STK39: variants seen among roughly 807,000 people sequenced by gnomAD.
STK39 encodes the protein serine/threonine kinase 39, also known as STE20/SPS1-related proline-alanine-rich protein kinase.
In STK39, 20 loss-of-function variants were observed where a neutral mutation model predicts 77.8. The observed-to-expected ratio is 0.26, with a 90% CI of 0.18 to 0.37. The LOEUF (loss-of-function observed/expected upper bound fraction) is 0.37. Among genes scored for constraint, STK39 ranks in the 10% least tolerant of loss-of-function variants. The pLI is 1.00. For missense variants in STK39, 479 were observed against 656.5 expected, an observed-to-expected ratio of 0.73 and a Z score of 2.95; for synonymous variants, 246 against 234.1, an observed-to-expected ratio of 1.05 and a Z score of -0.47.
chr2:168,223,772 A>G (rs1420888615), intron 1 of STK39, among the ~76,000 whole-genome samples: 2 of 152,074 alleles, frequency 1.3e-5, no homozygotes, highest in Non-Finnish European at 2.9e-5. Flanking sequence ...TCAGGCATCA[A>G]GTATGCTGAG....
At chr2:168,036,627 A>G (rs973730130) in intron 14 of STK39, among the ~76,000 whole-genome samples, 8 of 152,234 alleles carry the variant, frequency 5.3e-5, no homozygotes, top group African/African-American at 1.9e-4. Flanking sequence ...ACTTGTCTAG[A>G]TATCTCTGGC....
chr2:167,972,333 T>C (rs1376278932), intron 16 of STK39, among the ~76,000 whole-genome samples: 1 of 152,234 alleles, frequency 6.6e-6, no homozygotes, highest in African/African-American at 2.4e-5. Context: ...ATTTTGTGTG[T>C]CTTTCTGCAT....
intron 1 of STK39, among the ~76,000 whole-genome samples, chr2:168,217,967 A>C (rs758945656): frequency 3.9e-5 from 6 of 152,216 alleles, no homozygotes; most frequent in Non-Finnish European, 8.8e-5. Flanking sequence ...TGTTATCATG[A>C]TTTAGACAGA....
intron 1 of STK39, among the ~76,000 whole-genome samples, chr2:168,189,515 T>C (rs1352792205): frequency 6.6e-6 from 1 of 152,122 alleles, no homozygotes; most frequent in Non-Finnish European, 1.5e-5. Context: ...AATTTACAAA[T>C]TGTAATAACT....
At chr2:168,247,188 G>T in intron 1 of STK39, 40 bp downstream of exon 1, 3 of 1,137,240 alleles carry the variant, frequency 2.6e-6, no homozygotes, top group East Asian at 4.6e-5. Flanking sequence ...CGGCCTCGGC[G>T]CCCGGCCTGT....
chr2:168,234,723 A>C (rs577782994), intron 1 of STK39, among the ~76,000 whole-genome samples: 2 of 152,356 alleles, frequency 1.3e-5, no homozygotes, highest in South Asian at 2.1e-4. Flanking sequence ...ACCTGGTTAC[A>C]TGTTACATAA....
chr2:168,017,315 A>G lies in STK39; in HGVS notation c.1377-220T>C, dbSNP rs16854565. 9.1e-3 allele frequency among the ~76,000 whole-genome samples: 1,384 copies of G among 152,116 alleles called. 23 individuals are homozygous for G. The highest frequency in any genetic ancestry group is 0.032 in the African/African-American group (1,318 of 41,472). Reference sequence around the variant, plus strand: ...ATTTACCTTATATAAACATGCTTATATCACAAAATTCCAAAAACAAAATGT... The same window carrying G: ...ATTTACCTTATATAAACATGCTTATGTCACAAAATTCCAAAAACAAAATGT... On this transcript the variant is annotated intron_variant, in intron 14 of 17. Coordinates refer to ENST00000355999, the MANE Select transcript of STK39 (RefSeq NM_013233.3).
intron 10 of STK39, among the ~76,000 whole-genome samples, chr2:168,109,804 A>G (rs905831488): frequency 1.2e-4 from 18 of 152,234 alleles, no homozygotes; most frequent in African/African-American, 4.3e-4. Flanking sequence ...ATTTTCTTAA[A>G]TACTAATGAT....
At chr2:168,229,451 C>T (rs1690392340) in intron 1 of STK39, among the ~76,000 whole-genome samples, 1 of 148,828 alleles carries the variant, frequency 6.7e-6, no homozygotes, top group African/African-American at 2.5e-5. Context: ...CTAAACAAAA[C>T]AAAAAAAACT....
chr2:168,037,420 T>C (rs1056887505), intron 14 of STK39, among the ~76,000 whole-genome samples: 1 of 152,216 alleles, frequency 6.6e-6, no homozygotes, highest in Non-Finnish European at 1.5e-5. Context: ...GGGTTATACC[T>C]ACCCATTGAC....
At chr2:168,199,974 T>C (rs1689573130) in intron 1 of STK39, among the ~76,000 whole-genome samples, 1 of 152,188 alleles carries the variant, frequency 6.6e-6, no homozygotes, top group Non-Finnish European at 1.5e-5. Context: ...TGGAAATATC[T>C]GGGCTATAAG....
intron 2 of STK39, among the ~76,000 whole-genome samples, chr2:168,167,631 A>G (rs13403999): frequency 0.28 from 42,682 of 152,100 alleles, 6,934 homozygotes; most frequent in East Asian, 0.56. Context: ...AGCCCTGTGG[A>G]CCAGCTACCA....
intron 5 of STK39, among the ~76,000 whole-genome samples, chr2:168,149,937 G>A (rs1376856652): frequency 6.6e-6 from 1 of 152,216 alleles, no homozygotes; most frequent in African/African-American, 2.4e-5. Context: ...ATAGGAAACA[G>A]AAGTAAGTTC....
chr2:168,082,266 G>A (rs994160001), intron 10 of STK39, among the ~76,000 whole-genome samples: 18 of 152,174 alleles, frequency 1.2e-4, no homozygotes, highest in East Asian at 1.9e-4. Context: ...GAGCGCCAGG[G>A]ACCCCACTGA....
chr2:168,083,514 C>T (rs1175482288), intron 10 of STK39, among the ~76,000 whole-genome samples: 1 of 152,012 alleles, frequency 6.6e-6, no homozygotes, highest in African/African-American at 2.4e-5. Context: ...GGTGGACAGA[C>T]ATTTAAGCTA....
At chr2:168,195,421 AG>A (rs762629292) in intron 1 of STK39, among the ~76,000 whole-genome samples, 1 of 152,100 alleles carries the variant, frequency 6.6e-6, no homozygotes, top group Non-Finnish European at 1.5e-5. Flanking sequence ...ACCAAAAGAC[AG>A]TTACCTACCA....
intron 10 of STK39, among the ~76,000 whole-genome samples, chr2:168,107,490 C>A (rs1266435911): frequency 6.6e-6 from 1 of 152,174 alleles, no homozygotes; most frequent in African/African-American, 2.4e-5. Flanking sequence ...TTCTGTTTGC[C>A]ATCCTCTGTA....
At position 167,980,357 on chromosome 2, in the gene STK39, C is replaced by T. The variant is rs185389936; in HGVS notation, c.1499-15631G>A. On this transcript the variant is annotated intron_variant, in intron 16 of 17. Coordinates refer to ENST00000355999, the MANE Select transcript of STK39 (RefSeq NM_013233.3). ...CTTCCCAGGATCAACTTTTTCGTAC[C>T]GTCACTCTCACTTTACTTTGATCCA... Among the ~76,000 whole-genome samples the T allele has an allele frequency of 3.9e-5, 6 of 152,226 alleles. No homozygotes were observed. The East Asian group carries it at 5.8e-4, about 15-fold the overall frequency.
intron 1 of STK39, among the ~76,000 whole-genome samples, chr2:168,224,519 T>C (rs375912678): frequency 2.1e-4 from 32 of 152,198 alleles, no homozygotes; most frequent in African/African-American, 6.5e-4. Context: ...AAGCCAGGCA[T>C]TAGGTGATTT....
Sources: allele counts gnomAD v4.1 joint callset (sites outside exome capture counted in the v4.1 genomes callset), GRCh38; gene constraint gnomAD v4.1.1; transcripts MANE v1.5; gene names NCBI Gene and HGNC (gene_info 2026-07-23, HGNC 2026-07-21).